UBE2H: variants seen among roughly 807,000 people sequenced by gnomAD.
UBE2H encodes the protein ubiquitin conjugating enzyme E2 H, also known as ubiquitin-conjugating enzyme E2 H.
In UBE2H, 3 loss-of-function variants were observed where a neutral mutation model predicts 29.0. The observed-to-expected ratio is 0.10, with a 90% CI of 0.05 to 0.27. UBE2H has a LOEUF of 0.27. Among genes scored for constraint, UBE2H ranks in the 10% least tolerant of loss-of-function variants. The pLI is 1.00. For synonymous variants in UBE2H, 69 were observed against 82.9 expected, an observed-to-expected ratio of 0.83 and a Z score of 0.91; for missense variants, 68 against 228.2, an observed-to-expected ratio of 0.30 and a Z score of 4.52.
At chr7:129,857,619 T>C (rs1259913096) in intron 4 of UBE2H, 56 bp from the exon 5 acceptor site, 2 of 1,553,184 alleles carry the variant, frequency 1.3e-6, no homozygotes, top group East Asian at 4.5e-5. Flanking sequence ...TAGTTGCATG[T>C]ATCTGGCAAC....
intron 1 of UBE2H, among the ~76,000 whole-genome samples, chr7:129,929,448 A>G (rs1211546001): frequency 2.0e-5 from 3 of 152,126 alleles, no homozygotes; most frequent in African/African-American, 4.8e-5. Flanking sequence ...CATTACATCT[A>G]TGACACACCA....
At chr7:129,912,984 G>A (rs1806968968) in intron 1 of UBE2H, among the ~76,000 whole-genome samples, 1 of 152,110 alleles carries the variant, frequency 6.6e-6, no homozygotes, top group South Asian at 2.1e-4. Flanking sequence ...AGGTGCGGTG[G>A]TCACGCCTGT....
chr7:129,913,177 C>T lies in UBE2H; in HGVS notation c.54-32206G>A, dbSNP rs1010254320. On this transcript the variant is annotated intron_variant, in intron 1 of 6. Transcript: ENST00000355621. ...TGAGGCAGGAGAATGGCTTGAACCCCGGAGGCAGAGGCTGCAGTGAGCCGA... is the reference window on the plus strand; with the variant it reads ...TGAGGCAGGAGAATGGCTTGAACCCTGGAGGCAGAGGCTGCAGTGAGCCGA... Among the ~76,000 whole-genome samples the T allele has an allele frequency of 2.7e-5, 4 of 149,636 alleles. No individual in the cohort carries two copies. The East Asian group carries it at 7.9e-4, about 30-fold the overall frequency.
At chr7:129,878,675 T>C (rs1584760807) in intron 3 of UBE2H, among the ~76,000 whole-genome samples, 3 of 84,610 alleles carry the variant, frequency 3.5e-5, no homozygotes, top group African/African-American at 4.6e-5. Context: ...AGAGTGAGAC[T>C]CCGTCTCAAA....
At chr7:129,903,710 G>A (rs903472006) in intron 1 of UBE2H, among the ~76,000 whole-genome samples, 4 of 152,156 alleles carry the variant, frequency 2.6e-5, no homozygotes, top group African/African-American at 9.7e-5. Flanking sequence ...ACTAGCCTAC[G>A]CAACAAAGCA....
intron 1 of UBE2H, chr7:129,949,068 C>CCAAAA: frequency 2.2e-6 from 1 of 456,428 alleles, no homozygotes; most frequent in Non-Finnish European, 4.4e-6. Flanking sequence ...ATACGCTTTT[C>CCAAAA]CAAAACAAGC....
intron 1 of UBE2H, among the ~76,000 whole-genome samples, chr7:129,914,192 G>C (rs1029941303): frequency 6.6e-6 from 1 of 151,170 alleles, no homozygotes; most frequent in African/African-American, 2.4e-5. Context: ...TTTTGAGACA[G>C]AGTCTTGCTC....
intron 3 of UBE2H, among the ~76,000 whole-genome samples, chr7:129,878,765 A>G (rs1270045455): frequency 6.7e-6 from 1 of 149,424 alleles, no homozygotes; most frequent in Non-Finnish European, 1.5e-5. Context: ...GCTTAGTCTG[A>G]TTCTCAGAGA....
At chr7:129,947,384 T>G (rs3817530) in intron 1 of UBE2H, among the ~76,000 whole-genome samples, 19,536 of 151,712 alleles carry the variant, frequency 0.13, 1,594 homozygotes, top group East Asian at 0.31. Flanking sequence ...TAAAACAGAG[T>G]CCACTGGAAA....
intron 3 of UBE2H, among the ~76,000 whole-genome samples, chr7:129,869,345 C>A (rs376034201): frequency 2.0e-5 from 3 of 152,108 alleles, no homozygotes; most frequent in Admixed American, 1.3e-4. Context: ...TTTACCTCCA[C>A]AATCACAAAT....
rs1306977040 is a variant in UBE2H, at chr7:129,927,570, CAACA to C, written c.53+24929_53+24932del. 2.0e-5 allele frequency among the ~76,000 whole-genome samples: 3 copies of C among 152,064 alleles called. No homozygotes were observed. The East Asian group carries it at 5.8e-4, about 29-fold the overall frequency. ...TAAAAACACAACAAAAAAATGTGGGCAACAAATAAATGGATAAAATGTGGTATGT... is the reference window on the plus strand; with the variant it reads ...TAAAAACACAACAAAAAAATGTGGGCAATAAATGGATAAAATGTGGTATGT... On this transcript the variant is annotated intron_variant, in intron 1 of 6. Coordinates refer to ENST00000355621, the MANE Select transcript of UBE2H (RefSeq NM_003344.4).
At chr7:129,867,740 A>AAG (rs1563027607) in intron 3 of UBE2H, among the ~76,000 whole-genome samples, 5 of 138,368 alleles carry the variant, frequency 3.6e-5, no homozygotes, top group Admixed American at 7.1e-5. Flanking sequence ...AAAAAAAAAA[A>AAG]AAGAAGACCA....
chr7:129,897,995 A>G (rs1806634168), intron 1 of UBE2H, among the ~76,000 whole-genome samples: 1 of 152,206 alleles, frequency 6.6e-6, no homozygotes, highest in Admixed American at 6.5e-5. Context: ...AAAACTTTCA[A>G]CAAAAACTGG....
intron 1 of UBE2H, among the ~76,000 whole-genome samples, chr7:129,892,038 C>T (rs1367419444): frequency 2.7e-5 from 4 of 149,668 alleles, no homozygotes; most frequent in African/African-American, 9.8e-5. Flanking sequence ...CTGCAAGCTC[C>T]GCCTCCCAGG....
chr7:129,835,074 G>C lies in UBE2H; in HGVS notation c.428-13C>G. ...TTCTGGATGTACTCTGCACGGGGTG[G>C]GAGAAAGACAACAAGGGCAGTGAGT... On this transcript the variant is annotated splice_polypyrimidine_tract_variant and intron_variant, in intron 6 of 6. Transcript: ENST00000355621. The C allele has an allele frequency of 6.2e-7, 1 of 1,613,914 alleles. No individual in the cohort carries two copies. Among genetic ancestry groups the C allele is most frequent in the Non-Finnish European group, 8.5e-7 (1 of 1,179,962 alleles).
At chr7:129,857,804 G>A (rs921016893) in intron 4 of UBE2H, among the ~76,000 whole-genome samples, 2 of 152,130 alleles carry the variant, frequency 1.3e-5, no homozygotes, top group Non-Finnish European at 2.9e-5. Flanking sequence ...CCTGAACCAG[G>A]TGCTGAGAAC....
chr7:129,831,589 G>C lies in UBE2H; in HGVS notation c.*3348C>G, dbSNP rs948966353. The C allele has an allele frequency of 6.6e-6, 1 of 152,218 alleles. No individual in the cohort carries two copies. Among genetic ancestry groups the C allele is most frequent in the Non-Finnish European group, 1.5e-5 (1 of 68,054 alleles). The allele number at this position is 152,218 out of a possible 1,614,324, so 9.4% of individuals were successfully genotyped here. A position where few individuals can be genotyped will look rare whatever the true frequency, so the allele number is the denominator to read the frequency against. On this transcript the variant is annotated 3_prime_UTR_variant, in exon 7 of 7. Coordinates refer to ENST00000355621, the MANE Select transcript of UBE2H (RefSeq NM_003344.4). ...CCAGCTGGCAGTCAGAACAGCTTTTGAAGTGGATGAGAAATGTTAGGTACT... is the reference window on the plus strand; with the variant it reads ...CCAGCTGGCAGTCAGAACAGCTTTTCAAGTGGATGAGAAATGTTAGGTACT...
rs748559069 is a variant in UBE2H, at chr7:129,880,997, C to T, written c.54-26G>A. Reference sequence around the variant, plus strand: ...CTAAGGTGGACGGTAAAGGAAATTACACAGGCTTTACAGTATCTGGCAGAA... The same window carrying T: ...CTAAGGTGGACGGTAAAGGAAATTATACAGGCTTTACAGTATCTGGCAGAA... On this transcript the variant is annotated intron_variant, in intron 1 of 6. Transcript: ENST00000355621. 6 of 1,602,934 alleles carry T rather than the reference C, an allele frequency of 3.7e-6. No homozygotes were observed. In the South Asian group the frequency reaches 6.7e-5, roughly 18 times the overall value.
chr7:129,844,921 G>T (rs1036811317), intron 5 of UBE2H, among the ~76,000 whole-genome samples: 2 of 152,212 alleles, frequency 1.3e-5, no homozygotes, highest in African/African-American at 4.8e-5. Context: ...CTGAGGTCAG[G>T]AGTTTCACAC....
Sources: gnomAD v4.1 joint callset for allele counts (sites outside exome capture counted in the v4.1 genomes callset) on GRCh38, gnomAD v4.1.1 for gene constraint, MANE v1.5 for transcripts, NCBI Gene and HGNC (gene_info 2026-07-23, HGNC 2026-07-21) for gene names.